MAPK8IP1: variants seen among roughly 807,000 people sequenced by gnomAD.
MAPK8IP1 encodes mitogen-activated protein kinase 8 interacting protein 1.
Under a neutral mutation model 72.6 loss-of-function variants are expected in MAPK8IP1, and 17 were observed. The observed-to-expected ratio is 0.23, with a 90% CI of 0.16 to 0.35. MAPK8IP1 has a LOEUF of 0.35. Among genes scored for constraint, MAPK8IP1 ranks in the 10% least tolerant of loss-of-function variants. The pLI, the probability that MAPK8IP1 is intolerant of heterozygous loss-of-function variation, is 1.00. For synonymous variants in MAPK8IP1, 401 were observed against 443.4 expected, an observed-to-expected ratio of 0.90 and a Z score of 1.20; for missense variants, 789 against 1,009.7, an observed-to-expected ratio of 0.78 and a Z score of 2.96.
At chr11:45,896,643 C>A in intron 1 of MAPK8IP1, 1 of 1,386,270 alleles carries the variant, frequency 7.2e-7, no homozygotes, top group East Asian at 2.6e-5. Flanking sequence ...CAGCTGAGGG[C>A]TGCGCTGGGA....
intron 1 of MAPK8IP1, chr11:45,896,667 G>C: frequency 7.1e-7 from 1 of 1,404,854 alleles, no homozygotes; most frequent in African/African-American, 1.4e-5. Flanking sequence ...GCTGGGGCTG[G>C]GACCCGGGTC....
At chr11:45,894,710 T>A (rs1213801149) in intron 1 of MAPK8IP1, among the ~76,000 whole-genome samples, 1 of 152,086 alleles carries the variant, frequency 6.6e-6, no homozygotes, top group Admixed American at 6.6e-5. Flanking sequence ...GAGGACTCAG[T>A]GTATGCAGGA....
intron 1 of MAPK8IP1, among the ~76,000 whole-genome samples, chr11:45,895,266 G>A (rs1333239663): frequency 3.3e-5 from 5 of 152,134 alleles, no homozygotes; most frequent in Non-Finnish European, 5.9e-5. Context: ...GAGGGCAGAG[G>A]CAGGAGCTGG....
chr11:45,892,009 G>A (rs1398571813), intron 1 of MAPK8IP1, among the ~76,000 whole-genome samples: 1 of 152,212 alleles, frequency 6.6e-6, no homozygotes, highest in African/African-American at 2.4e-5. Flanking sequence ...GCATGAAGAT[G>A]TTTAAACAGA....
intron 1 of MAPK8IP1, 145 bp downstream of exon 1, chr11:45,886,066 C>A (rs1389594368): frequency 2.1e-6 from 1 of 468,244 alleles, no homozygotes; most frequent in Non-Finnish European, 3.6e-6. Flanking sequence ...GGGACAGAGC[C>A]CCCCTCAGAA....
intron 1 of MAPK8IP1, among the ~76,000 whole-genome samples, chr11:45,895,685 G>C (rs1043719747): frequency 2.7e-5 from 4 of 149,488 alleles, no homozygotes; most frequent in Non-Finnish European, 4.4e-5. Flanking sequence ...TGGCAGAGCA[G>C]GGGCATTTCA....
In MAPK8IP1 at chr11:45,904,813, C is replaced by A. The variant is rs145667143; in HGVS notation, c.1872C>A (p.Ala624=). The A allele has an allele frequency of 1.2e-6, 2 of 1,614,084 alleles. No homozygotes were observed. The highest frequency in any genetic ancestry group is 2.2e-5 in the East Asian group (1 of 44,876). ...SVRGVKIGVK[A]DDSQEAKGNK... is the part of the protein sequence containing the mutation. ...GGGGTGTGAAGATAGGCGTCAAGGC[C>A]GATGACTCCCAGGAGGCCAAGGTGA... The change falls in exon 9 of 12, where the codon GCC becomes GCA. Residue 624 remains alanine, a synonymous_variant. Transcript: ENST00000241014. The surrounding 1 kb of genome is among the most constrained non-coding windows in gnomAD (Gnocchi z 6.4).
Position 45,902,748 on chromosome 11 carries a change from C to T in MAPK8IP1, c.981C>T (p.Pro327=), listed in dbSNP as rs775106754. 1.2e-5 allele frequency: 19 copies of T among 1,604,588 alleles called. No homozygotes were observed. The highest frequency in any genetic ancestry group is 6.7e-5 in the Admixed American group (4 of 59,634). Reference sequence around the variant, plus strand: ...CCTCCACGGCAGGGCGGCCGCACCCCTCCATCAGTGAAGAGGAAGAGGGCT... The same window carrying T: ...CCTCCACGGCAGGGCGGCCGCACCCTTCCATCAGTGAAGAGGAAGAGGGCT... ...AYPSTAGRPH[P]SISEEEEGFD... is the part of the protein sequence containing the mutation. Residue 327 remains proline, a synonymous_variant, in exon 5 of 12, where the codon CCC becomes CCT. Coordinates refer to ENST00000241014, the MANE Select transcript of MAPK8IP1 (RefSeq NM_005456.4). The surrounding 1 kb of genome is among the most constrained non-coding windows in gnomAD (Gnocchi z 9.3).
intron 1 of MAPK8IP1, among the ~76,000 whole-genome samples, chr11:45,897,178 A>G (rs559365989): frequency 6.6e-6 from 1 of 151,968 alleles, no homozygotes; most frequent in African/African-American, 2.4e-5. Context: ...ATTCTCCCCA[A>G]CTTCCTAAAT....
rs1342516051 is a variant in MAPK8IP1 at position 45,900,716 on chromosome 11, G to A, written c.522+264G>A. 1.3e-5 allele frequency among the ~76,000 whole-genome samples: 2 copies of A among 152,200 alleles called. No homozygotes were observed. The highest frequency in any genetic ancestry group is 4.8e-5 in the African/African-American group (2 of 41,440). ...GGGAAGGACTGGGGTTAGGAGAGGAGTAGGGAATTAAGAGAATGAGGCTTT... is the reference window on the plus strand; with the variant it reads ...GGGAAGGACTGGGGTTAGGAGAGGAATAGGGAATTAAGAGAATGAGGCTTT... On this transcript the variant is annotated intron_variant, in intron 3 of 11. Transcript: ENST00000241014. The surrounding 1 kb of genome is among the most constrained non-coding windows in gnomAD (Gnocchi z 6.5).
At chr11:45,905,372 C>CG in intron 11 of MAPK8IP1, 123 bp downstream of exon 11, 4 of 974,004 alleles carry the variant, frequency 4.1e-6, no homozygotes, top group Non-Finnish European at 6.4e-6. Context: ...GAACTATCTC[C>CG]GGACCCCAGT....
At chr11:45,901,863 G>A in intron 3 of MAPK8IP1, 117 bp from the exon 4 acceptor site, 1 of 813,304 alleles carries the variant, frequency 1.2e-6, no homozygotes, top group Non-Finnish European at 2.2e-6. Flanking sequence ...TGACAGTGGA[G>A]GCGGGGTGGA....
rs1426024613 is a variant in MAPK8IP1, at chr11:45,906,229, C to T, written c.*508C>T. The T allele has an allele frequency of 1.3e-5, 4 of 300,744 alleles. No individual in the cohort carries two copies. Among genetic ancestry groups the T allele is most frequent in the South Asian group, 7.5e-5 (1 of 13,260 alleles). 18.6% of individuals were successfully genotyped at this position (300,744 alleles called of 1,614,324 possible). On this transcript the variant is annotated 3_prime_UTR_variant, in exon 12 of 12. Coordinates refer to ENST00000241014, the MANE Select transcript of MAPK8IP1 (RefSeq NM_005456.4). Reference sequence around the variant, plus strand: ...ACTTTCCAGTGAGGAAATGGCAACACGTGGAGGTGAAGTCCCTGTTCTCAG... The same window carrying T: ...ACTTTCCAGTGAGGAAATGGCAACATGTGGAGGTGAAGTCCCTGTTCTCAG...
chr11:45,905,524 C>T, intron 11 of MAPK8IP1, 125 bp from the exon 12 acceptor site: 2 of 895,174 alleles, frequency 2.2e-6, no homozygotes, highest in Non-Finnish European at 3.8e-6. Flanking sequence ...AGCCAAGTGG[C>T]CCCAGCCAGA....
rs1246506547 is a variant in MAPK8IP1 at position 45,902,368 on chromosome 11, C to T, written c.605-4C>T. The T allele has an allele frequency of 6.4e-7, 1 of 1,558,896 alleles. No individual in the cohort carries two copies. Among genetic ancestry groups the T allele is most frequent in the Admixed American group, 1.9e-5 (1 of 51,698 alleles). On this transcript the variant is annotated splice_region_variant and splice_polypyrimidine_tract_variant and intron_variant, in intron 4 of 11. Coordinates refer to ENST00000241014, the MANE Select transcript of MAPK8IP1 (RefSeq NM_005456.4). This position sits in a 1 kb window ranked among gnomAD's most constrained non-coding sequence, Gnocchi z 9.3. ...CCTGCCTTCATGACCTGCCTGCTCTCCAGGGGAGCAGACACCACCGCATGA... is the reference window on the plus strand; with the variant it reads ...CCTGCCTTCATGACCTGCCTGCTCTTCAGGGGAGCAGACACCACCGCATGA...
chr11:45,905,866 G>A lies in MAPK8IP1; in HGVS notation c.*145G>A. 1 of 767,386 alleles carries A rather than the reference G, an allele frequency of 1.3e-6. No homozygotes were observed. Among genetic ancestry groups the A allele is most frequent in the Non-Finnish European group, 2.3e-6 (1 of 437,058 alleles). The allele number at this position is 767,386 out of a possible 1,614,324, so 47.5% of individuals were successfully genotyped here. On this transcript the variant is annotated 3_prime_UTR_variant, in exon 12 of 12. Coordinates refer to ENST00000241014, the MANE Select transcript of MAPK8IP1 (RefSeq NM_005456.4). ...TGGGGGCCGCTGGCCCAGGGTAGGGGAGGGTGGGGCAATGGGGAGAGGCAA... is the reference window on the plus strand; with the variant it reads ...TGGGGGCCGCTGGCCCAGGGTAGGGAAGGGTGGGGCAATGGGGAGAGGCAA...
In MAPK8IP1 at chr11:45,904,293, T is replaced by C; in HGVS notation, c.1666+132T>C. 1 of 1,263,584 alleles carries C rather than the reference T, an allele frequency of 7.9e-7. No homozygotes were observed. The highest frequency in any genetic ancestry group is 1.1e-6 in the Non-Finnish European group (1 of 886,322). The allele number at this position is 1,263,584 out of a possible 1,614,324, so 78.3% of individuals were successfully genotyped here. On this transcript the variant is annotated intron_variant, in intron 7 of 11. Transcript: ENST00000241014. This position sits in a 1 kb window ranked among gnomAD's most constrained non-coding sequence, Gnocchi z 6.4. ...GAGTGGAAGTGATTTTAGGTCCTTT[T>C]CACGATCAAGCAAAGTGAGGCCCGG...
At chr11:45,895,688 G>A (rs2086600216) in intron 1 of MAPK8IP1, among the ~76,000 whole-genome samples, 1 of 149,602 alleles carries the variant, frequency 6.7e-6, no homozygotes, top group Admixed American at 6.7e-5. Context: ...CAGAGCAGGG[G>A]CATTTCAGGG....
Position 45,900,107 on chromosome 11 carries a change from G to A in MAPK8IP1, c.208-31G>A, listed in dbSNP as rs1016362582. The A allele has an allele frequency of 4.2e-6, 5 of 1,189,282 alleles. No individual in the cohort carries two copies. In the African/African-American group the frequency reaches 4.8e-5, roughly 11 times the overall value. 73.7% of individuals were successfully genotyped at this position (1,189,282 alleles called of 1,614,324 possible). A position where few individuals can be genotyped will look rare whatever the true frequency, so the allele number is the denominator to read the frequency against. ...GCGGCCTCGGCCCCGCCCCGGCCCC[G>A]CCCCCTGACGCCCCTCCGTGCGCTG... On this transcript the variant is annotated intron_variant, in intron 2 of 11. Coordinates refer to ENST00000241014, the MANE Select transcript of MAPK8IP1 (RefSeq NM_005456.4). This position sits in a 1 kb window ranked among gnomAD's most constrained non-coding sequence, Gnocchi z 6.5.
Sources: allele counts gnomAD v4.1 joint callset (sites outside exome capture counted in the v4.1 genomes callset), GRCh38; gene constraint gnomAD v4.1.1; non-coding constraint Gnocchi (gnomAD v3.1); transcripts MANE v1.5; gene names NCBI Gene and HGNC (gene_info 2026-07-23, HGNC 2026-07-21).